The following TSPAN15 variants were observed in gnomAD, a reference collection of about 807,000 sequenced individuals.
TSPAN15 encodes tetraspanin 15.
A neutral mutation model predicts 34.5 loss-of-function variants in TSPAN15; 20 were observed. The ratio of observed to expected loss-of-function variants is 0.58; its 90% CI spans 0.41 to 0.84. The LOEUF (loss-of-function observed/expected upper bound fraction) is 0.84. TSPAN15 is among the 40% of genes least tolerant of loss of function. TSPAN15 has a pLI of 0.00. For synonymous variants in TSPAN15, 155 were observed against 153.9 expected, an observed-to-expected ratio of 1.01 and a Z score of -0.05; for missense variants, 313 against 386.1, an observed-to-expected ratio of 0.81 and a Z score of 1.59.
the TSPAN15 span, among the ~76,000 whole-genome samples, chr10:69,527,377 C>T: frequency 7.9e-4 from 117 of 147,608 alleles, 5 homozygotes; most frequent in Non-Finnish European, 1.1e-3. Context: ...AGGCAGATCA[C>T]CTGAGATCAG....
chr10:69,538,867 G>C, the TSPAN15 span, among the ~76,000 whole-genome samples: 56 of 152,344 alleles, frequency 3.7e-4, no homozygotes, highest in African/African-American at 1.3e-3. Context: ...CTGCAGTAGT[G>C]TGCAGTATGA....
At chr10:69,458,865 G>A (rs964665119) in intron 1 of TSPAN15, among the ~76,000 whole-genome samples, 6 of 152,104 alleles carry the variant, frequency 3.9e-5, no homozygotes, top group South Asian at 2.1e-4. Flanking sequence ...GCTTTATGTC[G>A]TAGGACTGGA....
At chr10:69,494,948 C>G in intron 3 of TSPAN15, 13 of 848,618 alleles carry the variant, frequency 1.5e-5, no homozygotes, top group Non-Finnish European at 1.8e-5. Flanking sequence ...AGAGGGCGGC[C>G]TGCCATGTTC....
chr10:69,473,324 A>G (rs910336983), intron 1 of TSPAN15, among the ~76,000 whole-genome samples: 1 of 152,078 alleles, frequency 6.6e-6, no homozygotes, highest in African/African-American at 2.4e-5. Flanking sequence ...TGGCTTTAGT[A>G]TTTCCAGGAA....
At chr10:69,500,857 T>G (rs1842190435) in intron 5 of TSPAN15, among the ~76,000 whole-genome samples, 1 of 152,056 alleles carries the variant, frequency 6.6e-6, no homozygotes, top group African/African-American at 2.4e-5. Flanking sequence ...ATGAAGTAGT[T>G]ATTGCAGGGG....
intron 1 of TSPAN15, among the ~76,000 whole-genome samples, chr10:69,474,166 C>T (rs186582121): frequency 2.0e-5 from 3 of 151,774 alleles, no homozygotes; most frequent in Non-Finnish European, 2.9e-5. Flanking sequence ...CTCCTCCCCC[C>T]ACCTGCTCTC....
intron 1 of TSPAN15, among the ~76,000 whole-genome samples, chr10:69,456,215 G>A (rs1841105362): frequency 1.3e-5 from 2 of 151,756 alleles, no homozygotes; most frequent in African/African-American, 4.8e-5. Flanking sequence ...AGCCTCCCGA[G>A]TAGCTAGGAC....
chr10:69,507,657 T>TTTG lies in TSPAN15; in HGVS notation c.*681_*682insGTT. On this transcript the variant is annotated 3_prime_UTR_variant, in exon 8 of 8. Coordinates refer to ENST00000373290, the MANE Select transcript of TSPAN15 (RefSeq NM_012339.5). ...AATCAAACAATAAAAACATGTTTTT[T>TTTG]TTTTTTTTTTTTTTTTGCCTTTCCT... 2 of 1,108,668 alleles carry TTTG rather than the reference T, an allele frequency of 1.8e-6. No homozygotes were observed. The highest frequency in any genetic ancestry group is 2.3e-6 in the Non-Finnish European group (2 of 853,730). The allele number at this position is 1,108,668 out of a possible 1,614,324, so 68.7% of individuals were successfully genotyped here. A position where few individuals can be genotyped will look rare whatever the true frequency, so the allele number is the denominator to read the frequency against.
the TSPAN15 span, among the ~76,000 whole-genome samples, chr10:69,540,325 G>T: frequency 3.3e-5 from 5 of 152,318 alleles, no homozygotes; most frequent in East Asian, 1.9e-4. Context: ...AACTCGGGAG[G>T]CAAAGCTTGC....
At chr10:69,463,792 G>T (rs1447523711) in intron 1 of TSPAN15, among the ~76,000 whole-genome samples, 1 of 144,146 alleles carries the variant, frequency 6.9e-6, no homozygotes, top group African/African-American at 2.6e-5. Flanking sequence ...CTGGGCATCA[G>T]AGTGAGACTC....
At chr10:69,501,182 T>C (rs1156810905) in intron 5 of TSPAN15, among the ~76,000 whole-genome samples, 2 of 152,152 alleles carry the variant, frequency 1.3e-5, no homozygotes, top group Non-Finnish European at 2.9e-5. Flanking sequence ...TTTGAGAGCC[T>C]GTTCAGCATC....
chr10:69,510,935 G>A (rs992047716), downstream of TSPAN15, among the ~76,000 whole-genome samples: 27 of 152,142 alleles, frequency 1.8e-4, no homozygotes, highest in African/African-American at 3.4e-4. Context: ...TGACTTGATC[G>A]TGGTAGATAA....
At chr10:69,472,936 A>G (rs1841536432) in intron 1 of TSPAN15, among the ~76,000 whole-genome samples, 1 of 152,196 alleles carries the variant, frequency 6.6e-6, no homozygotes, top group South Asian at 2.1e-4. Context: ...CAGACTGTGA[A>G]GTTGTTGAGG....
At chr10:69,455,396 G>C (rs75946203) in intron 1 of TSPAN15, among the ~76,000 whole-genome samples, 1 of 152,204 alleles carries the variant, frequency 6.6e-6, no homozygotes, top group African/African-American at 2.4e-5. Context: ...CGTGAATTAT[G>C]GAGATCTGCT....
At chr10:69,525,940 TA>T in the TSPAN15 span, among the ~76,000 whole-genome samples, 2 of 146,166 alleles carry the variant, frequency 1.4e-5, no homozygotes, top group Non-Finnish European at 3.0e-5. Context: ...AGGAATAAAA[TA>T]GACAAGACAC....
chr10:69,533,183 G>C, the TSPAN15 span, among the ~76,000 whole-genome samples: 2 of 152,054 alleles, frequency 1.3e-5, no homozygotes, highest in African/African-American at 4.8e-5. Context: ...TAGAGGAAAA[G>C]AAGTCATTAT....
At chr10:69,460,099 G>A (rs1351151709) in intron 1 of TSPAN15, among the ~76,000 whole-genome samples, 2 of 151,990 alleles carry the variant, frequency 1.3e-5, no homozygotes, top group Non-Finnish European at 2.9e-5. Flanking sequence ...GTCAGAGGAG[G>A]CTCCTTTGCC....
intron 1 of TSPAN15, among the ~76,000 whole-genome samples, chr10:69,478,050 T>G (rs967579742): frequency 1.1e-4 from 16 of 152,198 alleles, no homozygotes; most frequent in African/African-American, 3.9e-4. Context: ...AGCTCACCCA[T>G]GGAGGCCCAG....
At chr10:69,488,055 T>C (rs908304180) in intron 3 of TSPAN15, among the ~76,000 whole-genome samples, 2 of 152,110 alleles carry the variant, frequency 1.3e-5, no homozygotes, top group African/African-American at 2.4e-5. Flanking sequence ...ATGAAAAAAA[T>C]AGGTCTACAA....
Sources: gnomAD v4.1 joint callset for allele counts (sites outside exome capture counted in the v4.1 genomes callset) on GRCh38, gnomAD v4.1.1 for gene constraint, MANE v1.5 for transcripts, NCBI Gene and HGNC (gene_info 2026-07-23, HGNC 2026-07-21) for gene names.